EIF3CL: variants seen among roughly 807,000 people sequenced by gnomAD.
EIF3CL encodes the protein eukaryotic translation initiation factor 3 subunit C like.
For missense variants in EIF3CL, 5 were observed against 56.1 expected, an observed-to-expected ratio of 0.09 and a Z score of 2.91; for synonymous variants, 2 against 19.6, an observed-to-expected ratio of 0.10 and a Z score of 2.37.
chr16:28,419,141 G>C, the EIF3CL span, among the ~76,000 whole-genome samples: 4 of 148,196 alleles, frequency 2.7e-5, no homozygotes, highest in African/African-American at 1.0e-4. Context: ...TGAGTAGCTA[G>C]GACTACAGGT....
At chr16:28,392,774 A>AT (rs1179590483) in intron 8 of EIF3CL, among the ~76,000 whole-genome samples, 1 of 146,014 alleles carries the variant, frequency 6.8e-6, no homozygotes, top group African/African-American at 2.5e-5. Context: ...ATATAAAAAC[A>AT]TTTTTTTCTT....
chr16:28,423,122 GT>G, the EIF3CL span, among the ~76,000 whole-genome samples: 1 of 98,002 alleles, frequency 1.0e-5, no homozygotes, highest in South Asian at 3.0e-4. Context: ...AGAGGCAGAG[GT>G]TGCAGTGAGC....
chr16:28,411,283 TCTG>T, the EIF3CL span, among the ~76,000 whole-genome samples: 2 of 120,388 alleles, frequency 1.7e-5, no homozygotes, highest in Non-Finnish European at 3.4e-5. Flanking sequence ...CCTCCGGTGA[TCTG>T]CCCACCTTGG....
chr16:28,386,331 ATATT>A (rs1266425849), intron 15 of EIF3CL, among the ~76,000 whole-genome samples: 67 of 32,768 alleles, frequency 2.0e-3, no homozygotes, highest in Admixed American at 6.0e-3. Flanking sequence ...AACTGACTAG[ATATT>A]TATTATTTCA....
the EIF3CL span, among the ~76,000 whole-genome samples, chr16:28,421,876 C>G: frequency 1.6e-5 from 2 of 124,468 alleles, no homozygotes; most frequent in Non-Finnish European, 3.4e-5. Flanking sequence ...TTTAGCATGT[C>G]ACTACATTAT....
the EIF3CL span, among the ~76,000 whole-genome samples, chr16:28,417,322 A>G: frequency 6.8e-6 from 1 of 146,576 alleles, no homozygotes; most frequent in Admixed American, 6.8e-5. Context: ...GGTGTGCCCA[A>G]CAGCTCATTG....
At chr16:28,416,719 T>G in the EIF3CL span, among the ~76,000 whole-genome samples, 3 of 109,716 alleles carry the variant, frequency 2.7e-5, no homozygotes, top group South Asian at 2.7e-4. Flanking sequence ...GTGAGGAGCG[T>G]CTCCGCCCGG....
At chr16:28,391,506 C>CAA (rs1166949198) in intron 10 of EIF3CL, among the ~76,000 whole-genome samples, 1 of 428 alleles carries the variant, frequency 2.3e-3, no homozygotes, top group Non-Finnish European at 0.025. Flanking sequence ...CCATCTCAAA[C>CAA]AAAAAAAAAA....
the EIF3CL span, among the ~76,000 whole-genome samples, chr16:28,423,819 A>ATG: frequency 1.0e-5 from 1 of 96,358 alleles, no homozygotes; most frequent in South Asian, 2.7e-4. Flanking sequence ...TATATATATT[A>ATG]TATATATATA....
intron 15 of EIF3CL, among the ~76,000 whole-genome samples, chr16:28,386,951 C>T (rs1221618661): frequency 1.9e-4 from 1 of 5,370 alleles, no homozygotes; most frequent in Non-Finnish European, 2.9e-4. Flanking sequence ...ATTAGCCAGG[C>T]ATGGTGGCAC....
the EIF3CL span, among the ~76,000 whole-genome samples, chr16:28,418,703 C>T: frequency 4.0e-5 from 6 of 151,828 alleles, no homozygotes; most frequent in Non-Finnish European, 8.8e-5. Context: ...GATCTCAGCT[C>T]ACTGAAGCCT....
chr16:28,419,383 C>G, the EIF3CL span, among the ~76,000 whole-genome samples: 1 of 149,898 alleles, frequency 6.7e-6, no homozygotes, highest in African/African-American at 2.5e-5. Flanking sequence ...TTCTCTCACT[C>G]CATGGGTGGG....
chr16:28,396,669 A>G, intron 8 of EIF3CL, among the ~76,000 whole-genome samples: 1 of 81,692 alleles, frequency 1.2e-5, no homozygotes, highest in South Asian at 3.3e-4. Flanking sequence ...CTCTGTCTCA[A>G]AAAAAAAAAA....
chr16:28,419,174 T>C, the EIF3CL span, among the ~76,000 whole-genome samples: 1 of 150,232 alleles, frequency 6.7e-6, no homozygotes, highest in Non-Finnish European at 1.5e-5. Context: ...GCCTGGCTAA[T>C]TTTTTGTATT....
At chr16:28,418,759 A>G in the EIF3CL span, among the ~76,000 whole-genome samples, 1 of 150,930 alleles carries the variant, frequency 6.6e-6, no homozygotes, top group Admixed American at 6.7e-5. Flanking sequence ...CATCCTGAGT[A>G]GCCAGGATTA....
At chr16:28,417,193 G>T in the EIF3CL span, among the ~76,000 whole-genome samples, 1 of 147,684 alleles carries the variant, frequency 6.8e-6, no homozygotes, top group Non-Finnish European at 1.5e-5. Flanking sequence ...AGGGAGGTGG[G>T]GGGGGTCAGC....
At chr16:28,414,674 C>T in the EIF3CL span, 60 of 338,954 alleles carry the variant, frequency 1.8e-4, 6 homozygotes, top group Middle Eastern at 1.1e-3. Flanking sequence ...AGCTGGAAGC[C>T]TCCACGGAGC....
At chr16:28,417,127 G>T in the EIF3CL span, among the ~76,000 whole-genome samples, 1 of 129,920 alleles carries the variant, frequency 7.7e-6, no homozygotes, top group Admixed American at 7.6e-5. Context: ...CAGCCGCCCG[G>T]TCCGGGAGGG....
At chr16:28,425,569 G>T in the EIF3CL span, among the ~76,000 whole-genome samples, 2 of 107,184 alleles carry the variant, frequency 1.9e-5, 1 homozygote, top group Non-Finnish European at 3.8e-5. Context: ...CATTACCTTG[G>T]AGCTCAGACA....
Sources: allele counts gnomAD v4.1 joint callset (sites outside exome capture counted in the v4.1 genomes callset), GRCh38; gene constraint gnomAD v4.1.1; transcripts MANE v1.5; gene names NCBI Gene and HGNC (gene_info 2026-07-23, HGNC 2026-07-21).